The following DPRX variants were observed in gnomAD, a reference collection of about 807,000 sequenced individuals.
The protein encoded by DPRX is divergent-paired related homeobox, also known as divergent paired-related homeobox.
A neutral mutation model predicts 8.4 loss-of-function variants in DPRX; 11 were observed. That is an observed-to-expected ratio of 1.31 (90% CI 0.82 to 2.17). The LOEUF (loss-of-function observed/expected upper bound fraction) is 2.17. Among genes scored for constraint, DPRX ranks in the 30% most tolerant of loss-of-function variants. The pLI is 0.00. For missense variants in DPRX, 211 were observed against 236.7 expected (o/e 0.89, Z 0.71); for synonymous variants, 72 against 87.0 (o/e 0.83, Z 0.96).
chr19:53,615,912 G>A, the DPRX span, among the ~76,000 whole-genome samples: 1 of 151,632 alleles, frequency 6.6e-6, no homozygotes, highest in South Asian at 2.1e-4. Flanking sequence ...AGACCAGCTT[G>A]GGCAACATAG....
At chr19:53,624,831 A>G in the DPRX span, among the ~76,000 whole-genome samples, 1 of 130,038 alleles carries the variant, frequency 7.7e-6, no homozygotes. Flanking sequence ...GACAGTCACA[A>G]AAAAAAAAAA....
the DPRX span, chr19:53,616,947 C>A: frequency 7.8e-7 from 1 of 1,282,972 alleles, no homozygotes; most frequent in East Asian, 2.3e-5. Flanking sequence ...CCAGAGGAAT[C>A]GTTTATGATG....
At chr19:53,607,689 C>CA in the DPRX span, among the ~76,000 whole-genome samples, 92,217 of 129,028 alleles carry the variant, frequency 0.71, 32,459 homozygotes, top group South Asian at 0.83. Context: ...CCGTCTCTAC[C>CA]AAAAAAAAAA....
chr19:53,608,803 A>C, the DPRX span, among the ~76,000 whole-genome samples: 66,587 of 150,934 alleles, frequency 0.44, 15,033 homozygotes, highest in African/African-American at 0.53. Context: ...ATACACAGAA[A>C]AATTAGCCGG....
the DPRX span, chr19:53,608,411 C>T: frequency 6.6e-6 from 1 of 152,364 alleles, no homozygotes; most frequent in African/African-American, 2.4e-5. Flanking sequence ...GACTTTGGAA[C>T]CCCAGGCTGA....
chr19:53,624,424 A>G, the DPRX span, among the ~76,000 whole-genome samples: 1 of 148,844 alleles, frequency 6.7e-6, no homozygotes, highest in East Asian at 2.0e-4. Context: ...TTTTTTTGAG[A>G]CAGAGTCTCA....
chr19:53,636,602 T>C, exon 3 of DPRX: 1 of 1,608,656 alleles, frequency 6.2e-7, no homozygotes, highest in Non-Finnish European at 8.5e-7. Context: ...TCAGGTCTGG[T>C]TCAAGAATCA....
the DPRX span, chr19:53,606,635 C>T: frequency 2.2e-4 from 33 of 150,224 alleles, no homozygotes; most frequent in African/African-American, 6.5e-4. The surrounding 1 kb of genome is among the most constrained non-coding windows in gnomAD (Gnocchi z 4.8). Flanking sequence ...GGGGATGGAG[C>T]GGTGAGGGTG....
At chr19:53,621,204 T>G in the DPRX span, among the ~76,000 whole-genome samples, 1 of 151,952 alleles carries the variant, frequency 6.6e-6, no homozygotes, top group Non-Finnish European at 1.5e-5. Flanking sequence ...ACAATTAAGG[T>G]TCACTAAAGT....
the DPRX span, among the ~76,000 whole-genome samples, chr19:53,621,545 C>T: frequency 4.6e-5 from 7 of 152,054 alleles, no homozygotes; most frequent in South Asian, 4.1e-4. Flanking sequence ...TCTATAATCC[C>T]GGCACTTTGG....
chr19:53,614,230 G>A, the DPRX span, among the ~76,000 whole-genome samples: 2 of 152,110 alleles, frequency 1.3e-5, no homozygotes, highest in Non-Finnish European at 2.9e-5. Flanking sequence ...GATTACAGGC[G>A]TGAGCCACTG....
At chr19:53,624,278 C>T in the DPRX span, among the ~76,000 whole-genome samples, 1 of 151,422 alleles carries the variant, frequency 6.6e-6, no homozygotes, top group African/African-American at 2.4e-5. Flanking sequence ...TTAGTAGAGA[C>T]GGGGTTTTGC....
upstream of DPRX, among the ~76,000 whole-genome samples, chr19:53,628,647 T>A (rs1314946003): frequency 2.0e-5 from 3 of 151,902 alleles, no homozygotes; most frequent in Admixed American, 1.3e-4. Flanking sequence ...AGGAGGGCAA[T>A]GACACGATCT....
chr19:53,616,492 C>T, the DPRX span, among the ~76,000 whole-genome samples: 17 of 152,048 alleles, frequency 1.1e-4, no homozygotes, highest in African/African-American at 3.4e-4. Flanking sequence ...TGGTGGCTCA[C>T]GCCTGTAATC....
At chr19:53,616,840 G>T in the DPRX span, 1 of 1,600,768 alleles carries the variant, frequency 6.2e-7, no homozygotes, top group Non-Finnish European at 8.6e-7. Flanking sequence ...CTTAGCGCTT[G>T]AATGTCCCAA....
At chr19:53,632,092 C>T (rs201192005) in exon 1 of DPRX, 7 of 1,613,926 alleles carry the variant, frequency 4.3e-6, no homozygotes, top group African/African-American at 2.7e-5. Flanking sequence ...CCCAGGCGCA[C>T]ATCTGGATTA....
chr19:53,610,897 G>A, the DPRX span, among the ~76,000 whole-genome samples: 22,295 of 151,992 alleles, frequency 0.15, 1,809 homozygotes, highest in South Asian at 0.27. Flanking sequence ...AGCACTGTAC[G>A]CTGTTTTGTT....
chr19:53,620,113 A>C, the DPRX span, among the ~76,000 whole-genome samples: 1 of 152,048 alleles, frequency 6.6e-6, no homozygotes, highest in Non-Finnish European at 1.5e-5. Flanking sequence ...TCTGTCCCCC[A>C]GGCTAGAGTG....
At chr19:53,619,441 G>A in the DPRX span, among the ~76,000 whole-genome samples, 1 of 152,058 alleles carries the variant, frequency 6.6e-6, no homozygotes, top group Non-Finnish European at 1.5e-5. Flanking sequence ...TTGTGAGGCC[G>A]AGACGGGCGG....
Sources: allele counts gnomAD v4.1 joint callset (sites outside exome capture counted in the v4.1 genomes callset), GRCh38; gene constraint gnomAD v4.1.1; non-coding constraint Gnocchi (gnomAD v3.1); transcripts MANE v1.5; gene names NCBI Gene and HGNC (gene_info 2026-07-23, HGNC 2026-07-21).